The following ANXA4 variants were observed in gnomAD, a reference collection of about 807,000 sequenced individuals.
ANXA4 encodes annexin A4.
A neutral mutation model predicts 49.8 loss-of-function variants in ANXA4; 39 were observed. The ratio of observed to expected loss-of-function variants is 0.78; its 90% CI spans 0.61 to 1.02. The LOEUF is 1.02. ANXA4 is among the 50% of genes least tolerant of loss of function. The pLI is 0.00. For synonymous variants in ANXA4, 134 were observed against 152.5 expected (o/e 0.88, Z 0.89); for missense variants, 360 against 410.1 (o/e 0.88, Z 1.05).
chr2:69,806,723 T>C (rs1176074260), intron 5 of ANXA4, among the ~76,000 whole-genome samples: 2 of 152,212 alleles, frequency 1.3e-5, no homozygotes, highest in Non-Finnish European at 2.9e-5. Flanking sequence ...TCATTGTCCT[T>C]AGCAAACTAA....
chr2:69,804,203 A>T (rs912441677), intron 3 of ANXA4, among the ~76,000 whole-genome samples: 1 of 152,018 alleles, frequency 6.6e-6, no homozygotes, highest in Non-Finnish European at 1.5e-5. Flanking sequence ...ACATTTATTA[A>T]ATGTTTAGTA....
intron 1 of ANXA4, among the ~76,000 whole-genome samples, chr2:69,757,536 G>C (rs1173930290): frequency 7.0e-6 from 1 of 142,552 alleles, no homozygotes; most frequent in Non-Finnish European, 1.5e-5. Context: ...GCCTCCCAAA[G>C]TTCTGGGGTT....
At chr2:69,672,044 A>G (rs1677211671) in intron 2 of ANXA4, among the ~76,000 whole-genome samples, 1 of 152,094 alleles carries the variant, frequency 6.6e-6, no homozygotes, top group African/African-American at 2.4e-5. Context: ...AGCAGGAGAC[A>G]TGTGGGAAAT....
At chr2:69,755,712 G>A (rs1042882740) in intron 1 of ANXA4, among the ~76,000 whole-genome samples, 3 of 152,172 alleles carry the variant, frequency 2.0e-5, no homozygotes, top group African/African-American at 4.8e-5. Context: ...ATCTCCCAGT[G>A]ATGTGCTGAA....
chr2:69,698,175 T>G (rs1678218108), intron 2 of ANXA4, among the ~76,000 whole-genome samples: 1 of 152,194 alleles, frequency 6.6e-6, no homozygotes, highest in Admixed American at 6.5e-5. Context: ...AAGGAAGCTC[T>G]TCTGAGTCTC....
intron 3 of ANXA4, among the ~76,000 whole-genome samples, chr2:69,798,081 A>G (rs1673018536): frequency 6.6e-6 from 1 of 152,214 alleles, no homozygotes; most frequent in African/African-American, 2.4e-5. Context: ...GTCCGACTGG[A>G]CAGTGCTGGT....
At chr2:69,653,726 G>C (rs1030547053) in intron 2 of ANXA4, among the ~76,000 whole-genome samples, 3 of 152,196 alleles carry the variant, frequency 2.0e-5, no homozygotes, top group Non-Finnish European at 2.9e-5. Context: ...TGGAGGGCCA[G>C]GCACCAGTCC....
chr2:69,823,090 A>G (rs927377807), intron 12 of ANXA4, among the ~76,000 whole-genome samples: 3 of 149,926 alleles, frequency 2.0e-5, no homozygotes, highest in African/African-American at 4.9e-5. Flanking sequence ...AATTTATTAT[A>G]TATTGTTATT....
intron 2 of ANXA4, among the ~76,000 whole-genome samples, chr2:69,668,677 A>G (rs999210952): frequency 6.6e-6 from 1 of 152,182 alleles, no homozygotes; most frequent in Non-Finnish European, 1.5e-5. Flanking sequence ...AGTGATATGT[A>G]AAACTCACCT....
At chr2:69,689,476 A>G (rs545664525) in intron 2 of ANXA4, among the ~76,000 whole-genome samples, 6 of 152,244 alleles carry the variant, frequency 3.9e-5, no homozygotes, top group East Asian at 3.9e-4. Flanking sequence ...GAAAATCCCA[A>G]TTCTCAAAGA....
chr2:69,661,964 G>T (rs1390341998), intron 2 of ANXA4, among the ~76,000 whole-genome samples: 1 of 152,154 alleles, frequency 6.6e-6, no homozygotes. Context: ...TGTAGTCGAG[G>T]TGTTCTGGCT....
chr2:69,789,730 G>A (rs1672593991), intron 3 of ANXA4, among the ~76,000 whole-genome samples: 1 of 152,130 alleles, frequency 6.6e-6, no homozygotes, highest in Non-Finnish European at 1.5e-5. Context: ...GTTGGGACCA[G>A]GTGTGCCTTC....
At chr2:69,777,704 C>T (rs1672017235) in intron 1 of ANXA4, among the ~76,000 whole-genome samples, 1 of 152,220 alleles carries the variant, frequency 6.6e-6, no homozygotes, top group Non-Finnish European at 1.5e-5. Context: ...GGCCTTTGCA[C>T]TGACTGCTCC....
intron 12 of ANXA4, among the ~76,000 whole-genome samples, chr2:69,823,312 C>G (rs1243534530): frequency 1.3e-5 from 2 of 150,698 alleles, no homozygotes; most frequent in Non-Finnish European, 3.0e-5. Flanking sequence ...GAATACATTA[C>G]TCATTCAATA....
At chr2:69,755,253 C>T (rs1394756719) in intron 1 of ANXA4, among the ~76,000 whole-genome samples, 1 of 152,122 alleles carries the variant, frequency 6.6e-6, no homozygotes, top group Non-Finnish European at 1.5e-5. Flanking sequence ...TAGAAGAGAT[C>T]TAGGAATAGA....
intron 2 of ANXA4, among the ~76,000 whole-genome samples, chr2:69,786,796 A>C (rs1479560736): frequency 6.6e-6 from 1 of 151,856 alleles, no homozygotes; most frequent in African/African-American, 2.4e-5. Context: ...ATCTCGGCTC[A>C]CTGCAGTCTC....
chr2:69,644,392 T>C (rs1435024549), upstream of ANXA4: 5 of 152,096 alleles, frequency 3.3e-5, no homozygotes, highest in African/African-American at 1.2e-4. Context: ...GTGCTGGCAG[T>C]TGGATCCGGC....
At chr2:69,745,397 T>G (rs1054402066) in intron 1 of ANXA4, among the ~76,000 whole-genome samples, 1 of 152,198 alleles carries the variant, frequency 6.6e-6, no homozygotes, top group Admixed American at 6.5e-5. Context: ...AACTTCTAAA[T>G]CTATAGTTCC....
intron 1 of ANXA4, among the ~76,000 whole-genome samples, chr2:69,780,734 C>T (rs970434907): frequency 2.0e-5 from 3 of 151,798 alleles, no homozygotes; most frequent in Non-Finnish European, 4.4e-5. Context: ...GGAGGGAGAC[C>T]CTGACTCAAA....
Sources: gnomAD v4.1 joint callset for allele counts (sites outside exome capture counted in the v4.1 genomes callset) on GRCh38, gnomAD v4.1.1 for gene constraint, MANE v1.5 for transcripts, NCBI Gene and HGNC (gene_info 2026-07-23, HGNC 2026-07-21) for gene names.